The following SVEP1 variants were observed in gnomAD, a reference collection of about 807,000 sequenced individuals.
SVEP1 encodes the protein sushi, von Willebrand factor type A, EGF and pentraxin domain-containing protein 1.
SVEP1 carries 164 observed loss-of-function variants against 367.3 expected under a neutral mutation model. That is an observed-to-expected ratio of 0.45 (90% CI 0.39 to 0.51). SVEP1 has a LOEUF of 0.51. Among genes scored for constraint, SVEP1 ranks in the 20% least tolerant of loss-of-function variants. SVEP1 has a pLI of 0.00. For missense variants in SVEP1, 4,117 were observed against 4,425.3 expected, an observed-to-expected ratio of 0.93 and a Z score of 1.98; for synonymous variants, 1,666 against 1,611.6, an observed-to-expected ratio of 1.03 and a Z score of -0.81.
In SVEP1 at chr9:110,528,146, G is replaced by A. The variant is rs1218541459; in HGVS notation, c.965-14040C>T. ...TACATACACACGTGTGTGTGTGTGT[G>A]TGTGTGTGTGTATATATATATATAT... is the stretch of plus-strand genomic sequence containing the variant. On this transcript the variant is annotated intron_variant, in intron 3 of 47. Coordinates refer to ENST00000374469, the MANE Select transcript of SVEP1 (RefSeq NM_153366.4). 6.5e-3 allele frequency among the ~76,000 whole-genome samples: 238 copies of A among 36,530 alleles called. 1 individual carries two copies. The highest frequency in any genetic ancestry group is 0.019 in the African/African-American group (223 of 11,634). 24.0% of individuals were successfully genotyped at this position (36,530 alleles called of 152,430 possible).
intron 13 of SVEP1, among the ~76,000 whole-genome samples, chr9:110,478,783 A>G (rs1240081226): frequency 6.6e-6 from 1 of 152,242 alleles, no homozygotes; most frequent in East Asian, 1.9e-4. Context: ...CTTGGCATAC[A>G]GTAAGCAGCA....
intron 41 of SVEP1, among the ~76,000 whole-genome samples, chr9:110,388,681 A>C (rs974583891): frequency 3.9e-5 from 6 of 152,124 alleles, no homozygotes; most frequent in Non-Finnish European, 7.4e-5. Flanking sequence ...AATGCTATTG[A>C]TGCTGTGCCG....
chr9:110,549,984 T>A lies in SVEP1; in HGVS notation c.652A>T (p.Ile218Phe), dbSNP rs1200635978. The A allele has an allele frequency of 6.2e-7, 1 of 1,613,868 alleles. No individual in the cohort carries two copies. Among genetic ancestry groups the A allele is most frequent in the African/African-American group, 1.3e-5 (1 of 74,902 alleles). The part of the protein sequence containing the change: ...AASLRDSGVE[I>F]FTFGIWQGNI... ...CCTTGCCATATGCCAAAAGTGAAGA[T>A]CTCCACTCCTGAATCTCGCAGTGAC... is the stretch of plus-strand genomic sequence containing the variant. Residue 218 changes from isoleucine (I) to phenylalanine (F), a missense_variant, in exon 2 of 48, where the codon ATC (isoleucine) becomes TTC (phenylalanine). Around this residue, in one of 4 missense-constraint regions of SVEP1, gnomAD observed 2,174 missense variants for 2,494.3 expected, o/e 0.87. Coordinates refer to ENST00000374469, the MANE Select transcript of SVEP1 (RefSeq NM_153366.4).
chr9:110,532,337 G>C (rs1830031460), intron 3 of SVEP1, among the ~76,000 whole-genome samples: 2 of 152,172 alleles, frequency 1.3e-5, no homozygotes, highest in Admixed American at 1.3e-4. Context: ...GTCTAGCTGT[G>C]TCAGAGCTAT....
At chr9:110,527,756 A>T (rs1177376449) in intron 3 of SVEP1, among the ~76,000 whole-genome samples, 5 of 151,880 alleles carry the variant, frequency 3.3e-5, no homozygotes, top group Non-Finnish European at 7.4e-5. Context: ...TTGTATAGTG[A>T]TAAAGTCTAG....
At chr9:110,499,013 T>G in intron 7 of SVEP1, 28 bp downstream of exon 7, 2 of 1,590,284 alleles carry the variant, frequency 1.3e-6, no homozygotes, top group Non-Finnish European at 1.7e-6. Flanking sequence ...AAAATTTGAT[T>G]TTTAGCCTGA....
intron 26 of SVEP1, among the ~76,000 whole-genome samples, chr9:110,444,302 T>A (rs757292218): frequency 6.6e-6 from 1 of 152,180 alleles, no homozygotes; most frequent in Non-Finnish European, 1.5e-5. Flanking sequence ...AAGAGACCAC[T>A]TGCACCTTCG....
rs142028721 is a variant in SVEP1 at position 110,500,547 on chromosome 9, G to A, written c.1484-1309C>T. Reference sequence around the variant, plus strand: ...GACTGGTTAGCATTCACTTACATATGTTAAATACATTCTCTTCCAGGTTGT... The same window carrying A: ...GACTGGTTAGCATTCACTTACATATATTAAATACATTCTCTTCCAGGTTGT... On this transcript the variant is annotated intron_variant, in intron 6 of 47. Coordinates refer to ENST00000374469, the MANE Select transcript of SVEP1 (RefSeq NM_153366.4). 3.1e-3 allele frequency among the ~76,000 whole-genome samples: 465 copies of A among 152,092 alleles called. 3 individuals are homozygous for A. The highest frequency in any genetic ancestry group is 0.011 in the African/African-American group (446 of 41,516).
intron 46 of SVEP1, among the ~76,000 whole-genome samples, chr9:110,374,187 T>C (rs1472211716): frequency 6.6e-6 from 1 of 152,164 alleles, no homozygotes; most frequent in Admixed American, 6.5e-5. Context: ...CAGTGTCTAT[T>C]GTTCCTACGT....
chr9:110,391,519 G>A (rs112239225), intron 40 of SVEP1, among the ~76,000 whole-genome samples: 67 of 152,168 alleles, frequency 4.4e-4, no homozygotes, highest in African/African-American at 1.5e-3. Context: ...TGACCTACCC[G>A]CCTCAGCCTC....
At chr9:110,490,831 G>A (rs959922685) in intron 8 of SVEP1, among the ~76,000 whole-genome samples, 7 of 151,840 alleles carry the variant, frequency 4.6e-5, no homozygotes, top group Admixed American at 3.9e-4. Flanking sequence ...CATATGCTAA[G>A]ATTAAATTCT....
chr9:110,502,011 A>G (rs1035623304), intron 6 of SVEP1, among the ~76,000 whole-genome samples: 1 of 152,080 alleles, frequency 6.6e-6, no homozygotes, highest in African/African-American at 2.4e-5. Flanking sequence ...AATAATTGTC[A>G]GGTTGACAAT....
rs1159742212 is a variant in SVEP1, at chr9:110,375,467, A to T, written c.10505-4T>A. 14 of 671,838 alleles carry T rather than the reference A, an allele frequency of 2.1e-5. No individual in the cohort carries two copies. The East Asian group carries it at 4.0e-4, about 19-fold the overall frequency. 41.6% of individuals were successfully genotyped at this position (671,838 alleles called of 1,614,324 possible). A position where few individuals can be genotyped will look rare whatever the true frequency, so the allele number is the denominator to read the frequency against. On this transcript the variant is annotated splice_polypyrimidine_tract_variant and splice_region_variant and intron_variant, in intron 45 of 47. Transcript: ENST00000374469. ...AGACAGGGAAGAATGCAGATTGCTA[A>T]AAAAAAAAAAAAAAAAAAAAAAAGG...
chr9:110,415,168 A>G (rs1199731952), intron 36 of SVEP1, among the ~76,000 whole-genome samples: 1 of 152,076 alleles, frequency 6.6e-6, no homozygotes, highest in Non-Finnish European at 1.5e-5. Context: ...CACAGAAATG[A>G]GACTTCTTGC....
At position 110,407,281 on chromosome 9, in the gene SVEP1, A is replaced by G; in HGVS notation, c.8319T>C (p.Ile2773=). The G allele has an allele frequency of 8.7e-6, 14 of 1,613,954 alleles. No individual in the cohort carries two copies. Among genetic ancestry groups the G allele is most frequent in the Non-Finnish European group, 1.2e-5 (14 of 1,179,884 alleles). The change falls in exon 38 of 48, where the codon ATT becomes ATC. Residue 2773 remains isoleucine (I), a synonymous_variant. Coordinates refer to ENST00000374469, the MANE Select transcript of SVEP1 (RefSeq NM_153366.4). ...TGACTGGATTTGGCTTTTTGCATGA[A>G]ATGGCTTCACAGCGTGGGGAGGCAC... is the stretch of plus-strand genomic sequence containing the variant. ...WSGASPRCEA[I]SCKKPNPVMN... is the part of the protein sequence containing the mutation.
At chr9:110,368,148 C>CAG (rs58577939) in intron 47 of SVEP1, among the ~76,000 whole-genome samples, 70,120 of 151,766 alleles carry the variant, frequency 0.46, 16,686 homozygotes, top group Middle Eastern at 0.61. Context: ...TGTAGCTAGA[C>CAG]AGGATGGAGG....
At chr9:110,510,268 C>A (rs1398068428) in intron 5 of SVEP1, among the ~76,000 whole-genome samples, 2 of 152,204 alleles carry the variant, frequency 1.3e-5, no homozygotes, top group Non-Finnish European at 2.9e-5. Flanking sequence ...AGCTGGGTAG[C>A]CTCTCAAGTT....
chr9:110,559,046 T>C (rs999543871), intron 1 of SVEP1, among the ~76,000 whole-genome samples: 6 of 152,124 alleles, frequency 3.9e-5, no homozygotes, highest in African/African-American at 1.4e-4. Context: ...AAAATATACC[T>C]CATTAGTATG....
At chr9:110,534,779 T>TA (rs1830059768) in intron 3 of SVEP1, among the ~76,000 whole-genome samples, 2 of 152,206 alleles carry the variant, frequency 1.3e-5, no homozygotes, top group Admixed American at 1.3e-4. Flanking sequence ...TGATCAGTGG[T>TA]ATTGAGCATT....
Sources: gnomAD v4.1 joint callset for allele counts (sites outside exome capture counted in the v4.1 genomes callset) on GRCh38, gnomAD v4.1.1 for gene constraint, gnomAD v4.1.1 regional missense constraint, MANE v1.5 for transcripts, NCBI Gene and HGNC (gene_info 2026-07-23, HGNC 2026-07-21) for gene names.